ZNF722: variants seen among roughly 807,000 people sequenced by gnomAD.
ZNF722 encodes the protein zinc finger protein 722, also known as zinc finger protein 479 pseudogene.
chr7:64,004,425 A>AAATATATATATATAT, the ZNF722 span, among the ~76,000 whole-genome samples: 13 of 61,110 alleles, frequency 2.1e-4, no homozygotes, highest in Non-Finnish European at 3.3e-4. Flanking sequence ...AAAAAAAAAA[A>AAATATATATATATAT]ATATATATAT....
the ZNF722 span, among the ~76,000 whole-genome samples, chr7:64,009,537 A>C: frequency 3.3e-5 from 5 of 152,194 alleles, no homozygotes; most frequent in Non-Finnish European, 7.3e-5. Context: ...TATGCAATGC[A>C]TTACGTTTAT....
the ZNF722 span, among the ~76,000 whole-genome samples, chr7:64,011,360 T>G: frequency 6.6e-6 from 1 of 152,214 alleles, no homozygotes; most frequent in Non-Finnish European, 1.5e-5. Flanking sequence ...TCTTTATAAT[T>G]TGGCATGATT....
chr7:64,007,669 CTT>C, the ZNF722 span, among the ~76,000 whole-genome samples: 1 of 152,110 alleles, frequency 6.6e-6, no homozygotes, highest in Non-Finnish European at 1.5e-5. Flanking sequence ...GGTTCCAAGT[CTT>C]TACTATTGTT....
At chr7:64,016,057 G>A in the ZNF722 span, 1 of 641,014 alleles carries the variant, frequency 1.6e-6, no homozygotes, top group Non-Finnish European at 2.5e-6. Context: ...ATCCATATTG[G>A]ACAAAAATTT....
At chr7:64,015,820 C>T in the ZNF722 span, 25 of 1,608,258 alleles carry the variant, frequency 1.6e-5, no homozygotes, top group Non-Finnish European at 2.0e-5. Flanking sequence ...GGAGAGAAAC[C>T]CTACAAATGT....
At chr7:64,004,237 C>T in the ZNF722 span, among the ~76,000 whole-genome samples, 20 of 143,612 alleles carry the variant, frequency 1.4e-4, no homozygotes, top group African/African-American at 4.4e-4. Context: ...CCCGTCTCTA[C>T]GGAAAAAAAA....
chr7:64,016,479 C>A, the ZNF722 span, among the ~76,000 whole-genome samples: 2 of 152,028 alleles, frequency 1.3e-5, no homozygotes, highest in African/African-American at 4.8e-5. Context: ...ACATCTCAGG[C>A]CTTACACAAT....
the ZNF722 span, among the ~76,000 whole-genome samples, chr7:64,007,700 C>T: frequency 1.2e-4 from 19 of 152,158 alleles, no homozygotes; most frequent in African/African-American, 4.6e-4. Flanking sequence ...CTGCAATACA[C>T]ATACATGTGC....
the ZNF722 span, among the ~76,000 whole-genome samples, chr7:64,001,040 G>A: frequency 2.0e-5 from 3 of 152,096 alleles, no homozygotes; most frequent in Non-Finnish European, 2.9e-5. Flanking sequence ...GCCTCCCAAC[G>A]TTCTGGGGTT....
At chr7:64,003,063 A>T in the ZNF722 span, among the ~76,000 whole-genome samples, 1 of 152,204 alleles carries the variant, frequency 6.6e-6, no homozygotes, top group Non-Finnish European at 1.5e-5. Flanking sequence ...GGCCAAGATT[A>T]CCAAGTGATT....
the ZNF722 span, chr7:64,015,577 G>A: frequency 6.2e-7 from 1 of 1,613,694 alleles, no homozygotes; most frequent in Non-Finnish European, 8.5e-7. Flanking sequence ...CCCTACACAT[G>A]TGAAGAATGT....
chr7:64,004,970 C>T, the ZNF722 span, among the ~76,000 whole-genome samples: 1 of 152,166 alleles, frequency 6.6e-6, no homozygotes, highest in Non-Finnish European at 1.5e-5. Flanking sequence ...CCTTCCAAGT[C>T]ATCATGACTG....
At chr7:64,016,816 C>G in the ZNF722 span, among the ~76,000 whole-genome samples, 1 of 152,008 alleles carries the variant, frequency 6.6e-6, no homozygotes, top group South Asian at 2.1e-4. Context: ...TCAAACTTTT[C>G]TAAAAAAGGG....
chr7:64,016,997 T>C, the ZNF722 span, among the ~76,000 whole-genome samples: 1 of 152,202 alleles, frequency 6.6e-6, no homozygotes, highest in African/African-American at 2.4e-5. Context: ...CAGGAAAGCA[T>C]TTATACTAGA....
At chr7:64,006,039 T>C in the ZNF722 span, among the ~76,000 whole-genome samples, 9 of 152,182 alleles carry the variant, frequency 5.9e-5, no homozygotes, top group Non-Finnish European at 8.8e-5. Context: ...GATTCAGTAG[T>C]ACTGAGTAGT....
chr7:63,999,134 C>T, the ZNF722 span: 24 of 1,045,392 alleles, frequency 2.3e-5, no homozygotes, highest in South Asian at 3.0e-4. Flanking sequence ...TGTCCCAGCT[C>T]GGCTTTTAGT....
the ZNF722 span, among the ~76,000 whole-genome samples, chr7:64,004,421 A>ATAT: frequency 5.2e-4 from 36 of 69,424 alleles, no homozygotes; most frequent in African/African-American, 1.9e-3. Context: ...AAAAAAAAAA[A>ATAT]AAAAATATAT....
chr7:64,003,126 C>A, the ZNF722 span, among the ~76,000 whole-genome samples: 5 of 152,122 alleles, frequency 3.3e-5, no homozygotes, highest in African/African-American at 9.7e-5. Flanking sequence ...TCAACCTTTG[C>A]ATCAAAGGAA....
At chr7:64,000,814 TCC>T in the ZNF722 span, among the ~76,000 whole-genome samples, 1 of 150,074 alleles carries the variant, frequency 6.7e-6, no homozygotes, top group African/African-American at 2.5e-5. Context: ...AGTCTCACTC[TCC>T]GCCCAGGCTG....
Sources: gnomAD v4.1 joint callset for allele counts (sites outside exome capture counted in the v4.1 genomes callset) on GRCh38, gnomAD v4.1.1 for gene constraint, MANE v1.5 for transcripts, NCBI Gene and HGNC (gene_info 2026-07-23, HGNC 2026-07-21) for gene names.